CFAP44: variants seen among roughly 807,000 people sequenced by gnomAD.
The protein encoded by CFAP44 is cilia and flagella associated protein 44, also known as cilia- and flagella-associated protein 44.
A neutral mutation model predicts 216.2 loss-of-function variants in CFAP44; 134 were observed. The ratio of observed to expected loss-of-function variants is 0.62; its 90% confidence interval spans 0.54 to 0.72. CFAP44 has a LOEUF of 0.72. CFAP44 is among the 30% of genes least tolerant of loss of function. The pLI is 0.00. For synonymous variants in CFAP44, 700 were observed against 727.6 expected, an observed-to-expected ratio of 0.96 and a Z score of 0.61; for missense variants, 2,035 against 2,182.1, an observed-to-expected ratio of 0.93 and a Z score of 1.34.
At chr3:113,311,512 C>T (rs898212381) in intron 28 of CFAP44, among the ~76,000 whole-genome samples, 1 of 152,190 alleles carries the variant, frequency 6.6e-6, no homozygotes, top group African/African-American at 2.4e-5. Context: ...TCACCTCCTG[C>T]CATGTTTCTG....
intron 22 of CFAP44, among the ~76,000 whole-genome samples, chr3:113,353,920 C>T (rs1950469405): frequency 6.6e-6 from 1 of 152,068 alleles, no homozygotes; most frequent in South Asian, 2.1e-4. Flanking sequence ...CAGAATAATC[C>T]ACAGATCTCA....
chr3:113,310,964 G>A (rs1047992502), intron 28 of CFAP44, among the ~76,000 whole-genome samples: 1 of 152,168 alleles, frequency 6.6e-6, no homozygotes, highest in African/African-American at 2.4e-5. Flanking sequence ...GTGGAACCAT[G>A]AGCCAATTAA....
At position 113,433,429 on chromosome 3, in the gene CFAP44, CAAAAAAAAAAAAAAA is replaced by C. The variant is rs58221881; in HGVS notation, c.100+121_100+135del. ...GGGCAACAAGAGCAAAACTCCATCT[CAAAAAAAAAAAAAAA>C]AAAAAAAAAAAAGATCTATTTTATA... is the stretch of plus-strand genomic sequence containing the variant. On this transcript the variant is annotated intron_variant, in intron 2 of 34. Transcript: ENST00000393845. 35 of 127,768 alleles carry C rather than the reference CAAAAAAAAAAAAAAA, an allele frequency of 2.7e-4. 1 individual carries two copies. The highest frequency in any genetic ancestry group is 1.6e-3 in the South Asian group (18 of 11,278). 7.9% of individuals were successfully genotyped at this position (127,768 alleles called of 1,614,324 possible). A position where few individuals can be genotyped will look rare whatever the true frequency, so the allele number is the denominator to read the frequency against.
At chr3:113,351,499 T>G (rs1286899351) in intron 22 of CFAP44, among the ~76,000 whole-genome samples, 1 of 152,180 alleles carries the variant, frequency 6.6e-6, no homozygotes, top group Non-Finnish European at 1.5e-5. Flanking sequence ...AAATCTATCC[T>G]TACTCTACAA....
intron 28 of CFAP44, among the ~76,000 whole-genome samples, chr3:113,316,620 G>C (rs189867330): frequency 1.3e-5 from 2 of 152,220 alleles, no homozygotes; most frequent in Non-Finnish European, 2.9e-5. Flanking sequence ...TGTAATCCTA[G>C]CACTTTGAGA....
At chr3:113,395,464 G>A (rs919373604) in intron 15 of CFAP44, among the ~76,000 whole-genome samples, 6 of 152,124 alleles carry the variant, frequency 3.9e-5, no homozygotes, top group African/African-American at 9.7e-5. Context: ...CAAAAGTCCC[G>A]TTGGAGCAAA....
intron 1 of CFAP44, among the ~76,000 whole-genome samples, chr3:113,440,887 T>C (rs1263113250): frequency 6.6e-6 from 1 of 152,190 alleles, no homozygotes; most frequent in Non-Finnish European, 1.5e-5. Flanking sequence ...TAGCAACTCA[T>C]GATAGACTGG....
chr3:113,431,578 T>C (rs1935106913), intron 2 of CFAP44, among the ~76,000 whole-genome samples: 1 of 152,056 alleles, frequency 6.6e-6, no homozygotes, highest in Admixed American at 6.5e-5. Flanking sequence ...AATGATACTT[T>C]TTGGAAAGAA....
intron 22 of CFAP44, among the ~76,000 whole-genome samples, chr3:113,346,054 G>A (rs1950378464): frequency 6.6e-6 from 1 of 152,218 alleles, no homozygotes; most frequent in Non-Finnish European, 1.5e-5. Flanking sequence ...CCTGGGTTGA[G>A]TGGGGACTTG....
At chr3:113,344,811 T>C (rs1950365859) in intron 22 of CFAP44, 99 bp from the exon 23 acceptor site, 2 of 1,105,958 alleles carry the variant, frequency 1.8e-6, no homozygotes, top group Non-Finnish European at 2.5e-6. Flanking sequence ...ATTCTTATTA[T>C]ATCATTATAT....
At position 113,363,067 on chromosome 3, in the gene CFAP44, CTACTTGTTGGGA is replaced by C. The variant is rs1950556620; in HGVS notation, c.2934+66_2934+77del. The C allele has an allele frequency of 8.2e-5, 117 of 1,421,652 alleles. 1 individual carries two copies. In the South Asian group the frequency reaches 1.6e-3, roughly 20 times the overall value. The allele number at this position is 1,421,652 out of a possible 1,614,324, so 88.1% of individuals were successfully genotyped here. On this transcript the variant is annotated intron_variant, in intron 21 of 34. Coordinates refer to ENST00000393845, the MANE Select transcript of CFAP44 (RefSeq NM_001164496.2). ...AAAAGAAAGATGATTTTAAGTGTTT[CTACTTGTTGGGA>C]AAATAGTCATCTCTATCCAGAAATA...
Position 113,291,627 on chromosome 3 carries a change from C to G in CFAP44, c.5495G>C (p.Arg1832Thr). ...GGGTGGGAGGATAAGACTGCCTTTC[C>G]TACGCAAAAGAGCAATCTCCTCCTT... ...ALKEEIALLR[R>T]KGSLILPPIQ... The change falls in exon 35 of 35, where the codon AGG becomes ACG. Residue 1832 changes from arginine to threonine, a missense_variant. Physicochemically the swap from Arg to Thr is moderately conservative, Grantham distance 71. This residue lies in a region of CFAP44 where 1,883 missense variants were observed against 2,023.7 expected (regional missense o/e 0.93). Transcript: ENST00000393845. 6.5e-7 allele frequency: 1 copy of G among 1,537,266 alleles called. No individual in the cohort carries two copies. Among genetic ancestry groups the G allele is most frequent in the Non-Finnish European group, 8.7e-7 (1 of 1,146,918 alleles).
chr3:113,295,585 C>G (rs982348529), intron 33 of CFAP44, among the ~76,000 whole-genome samples: 3 of 152,138 alleles, frequency 2.0e-5, no homozygotes, highest in Admixed American at 2.0e-4. Flanking sequence ...CTCCTCCTAC[C>G]CCATCTGCTA....
intron 9 of CFAP44, among the ~76,000 whole-genome samples, chr3:113,402,808 T>A (rs1010614716): frequency 6.6e-6 from 1 of 152,228 alleles, no homozygotes; most frequent in African/African-American, 2.4e-5. Flanking sequence ...AATATTTAAC[T>A]TCTTTTCTCC....
In CFAP44 at chr3:113,417,400, G is replaced by T. The variant is rs571526003; in HGVS notation, c.571-773C>A. On this transcript the variant is annotated intron_variant, in intron 5 of 34. Coordinates refer to ENST00000393845, the MANE Select transcript of CFAP44 (RefSeq NM_001164496.2). ...ATAGCCATATAAGTTGGATAAAATA[G>T]TATGGTCATTTCTGTTATTTTTGTC... is the stretch of plus-strand genomic sequence containing the variant. 62 of 152,316 alleles carry T rather than the reference G, an allele frequency of 4.1e-4. 1 individual carries two copies. The highest frequency in any genetic ancestry group is 1.3e-3 in the African/African-American group (54 of 41,576). The allele number at this position is 152,316 out of a possible 1,614,324, so 9.4% of individuals were successfully genotyped here.
intron 4 of CFAP44, among the ~76,000 whole-genome samples, chr3:113,422,998 A>G (rs547601295): frequency 1.3e-5 from 2 of 150,620 alleles, no homozygotes; most frequent in African/African-American, 2.4e-5. Flanking sequence ...CTCCATCTCT[A>G]TTTCCCAGAA....
chr3:113,354,450 G>A (rs1379395445), intron 22 of CFAP44, among the ~76,000 whole-genome samples: 1 of 152,200 alleles, frequency 6.6e-6, no homozygotes, highest in African/African-American at 2.4e-5. Context: ...TGTTGGGAGG[G>A]TATGGTAGGA....
chr3:113,425,034 C>T (rs1934922673), intron 4 of CFAP44, among the ~76,000 whole-genome samples: 1 of 152,070 alleles, frequency 6.6e-6, no homozygotes. Flanking sequence ...AATATACCAC[C>T]CCATCCCATT....
At chr3:113,425,960 T>A (rs1234443271) in intron 4 of CFAP44, 164 bp downstream of exon 4, 14 of 795,848 alleles carry the variant, frequency 1.8e-5, no homozygotes, top group African/African-American at 1.2e-4. Context: ...ATGGCAGCCA[T>A]AATAAACAAA....
Sources: allele counts gnomAD v4.1 joint callset (sites outside exome capture counted in the v4.1 genomes callset), GRCh38; gene constraint gnomAD v4.1.1; regional missense constraint gnomAD v4.1.1; transcripts MANE v1.5; gene names NCBI Gene and HGNC (gene_info 2026-07-23, HGNC 2026-07-21).